Variants in OR7E24 observed in about 807,000 individuals in gnomAD.
OR7E24 encodes the protein olfactory receptor family 7 subfamily E member 24.
For synonymous variants in OR7E24, 130 were observed against 157.5 expected, an observed-to-expected ratio of 0.83 and a Z score of 1.31; for missense variants, 385 against 410.3, an observed-to-expected ratio of 0.94 and a Z score of 0.53.
chr19:9,231,947 CG>C, the OR7E24 span, among the ~76,000 whole-genome samples: 1 of 152,106 alleles, frequency 6.6e-6, no homozygotes, highest in Non-Finnish European at 1.5e-5. Context: ...CATCCAAAAT[CG>C]TGTTTCTTGA....
Position 9,251,734 on chromosome 19 carries a change from G to A in OR7E24, c.691G>A (p.Gly231Arg), listed in dbSNP as rs2066149322. Residue 231 changes from glycine (G) to arginine (R), a missense_variant, in exon 1 of 1, where the codon GGG becomes AGG. Transcript: ENST00000456448. ...GAIFGCLPIS[G>R]ILFSYYKIVS... is the part of the protein sequence containing the mutation. Reference sequence around the variant, plus strand: ...CATATTTGGCTGTCTCCCTATCTCAGGGATCCTTTTCTCTTACTATAAAAT... The same window carrying A: ...CATATTTGGCTGTCTCCCTATCTCAAGGATCCTTTTCTCTTACTATAAAAT... 1 of 1,612,494 alleles carries A rather than the reference G, an allele frequency of 6.2e-7. No homozygotes were observed. Among genetic ancestry groups the A allele is most frequent in the Non-Finnish European group, 8.5e-7 (1 of 1,179,244 alleles).
the OR7E24 span, among the ~76,000 whole-genome samples, chr19:9,234,061 G>A: frequency 2.0e-5 from 3 of 151,914 alleles, no homozygotes; most frequent in African/African-American, 7.3e-5. Flanking sequence ...GCACCACCAC[G>A]CCTGGCAATT....
At chr19:9,222,270 A>G in the OR7E24 span, among the ~76,000 whole-genome samples, 3 of 152,102 alleles carry the variant, frequency 2.0e-5, no homozygotes, top group Non-Finnish European at 4.4e-5. Context: ...CAGCTTTGTT[A>G]TTTTGGCTCA....
Position 9,250,945 on chromosome 19 carries a change from T to C in OR7E24, c.-99T>C, listed in dbSNP as rs2066143537. ...CTAAGGAAATTGGGTTTGTCACAACTGAGAACTATTGCTGAGGGTGTATAA... is the reference window on the plus strand; with the variant it reads ...CTAAGGAAATTGGGTTTGTCACAACCGAGAACTATTGCTGAGGGTGTATAA... On this transcript the variant is annotated 5_prime_UTR_variant, in exon 1 of 1. Coordinates refer to ENST00000456448, the MANE Select transcript of OR7E24 (RefSeq NM_001079935.2). The C allele has an allele frequency of 1.1e-6, 1 of 891,906 alleles. No individual in the cohort carries two copies. Among genetic ancestry groups the C allele is most frequent in the Non-Finnish European group, 1.7e-6 (1 of 590,506 alleles). 55.2% of individuals were successfully genotyped at this position (891,906 alleles called of 1,614,324 possible).
chr19:9,213,976 A>G, the OR7E24 span: 1 of 1,614,098 alleles, frequency 6.2e-7, no homozygotes, highest in Admixed American at 1.7e-5. Flanking sequence ...CTGTAGATGA[A>G]GGGGTTCAGC....
chr19:9,246,549 C>T (rs982215299), upstream of OR7E24, among the ~76,000 whole-genome samples: 17 of 148,682 alleles, frequency 1.1e-4, no homozygotes, highest in Non-Finnish European at 2.4e-4. Context: ...CTGCACAGAA[C>T]ACCATGTTTA....
chr19:9,236,174 A>G, the OR7E24 span: 4 of 691,924 alleles, frequency 5.8e-6, no homozygotes, highest in Middle Eastern at 2.5e-4. Context: ...CCTAAAATAT[A>G]TGTTGCAGTT....
chr19:9,237,561 C>T, the OR7E24 span, among the ~76,000 whole-genome samples: 2 of 152,148 alleles, frequency 1.3e-5, no homozygotes, highest in Non-Finnish European at 1.5e-5. Context: ...GTGATCCATC[C>T]GCCTCAGCCT....
chr19:9,221,202 G>A, the OR7E24 span, among the ~76,000 whole-genome samples: 1 of 150,996 alleles, frequency 6.6e-6, no homozygotes, highest in Admixed American at 6.6e-5. Context: ...AACCCGGGAG[G>A]GGGAGCTTGC....
chr19:9,251,113 C>T lies in OR7E24; in HGVS notation c.70C>T (p.Leu24Phe). ...TCCGAGCTACACAGAGCCACAGAAT[C>T]TCACAGGTGTCTCAGAATTCCTCCT... ...RCPSYTEPQN[L>F]TGVSEFLLLG... Residue 24 changes from leucine (L) to phenylalanine (F), a missense_variant, in exon 1 of 1, where the codon CTC (leucine) becomes TTC (phenylalanine). By Grantham distance (22) the Leu-to-Phe change is conservative. Coordinates refer to ENST00000456448, the MANE Select transcript of OR7E24 (RefSeq NM_001079935.2). The T allele has an allele frequency of 6.2e-7, 1 of 1,612,994 alleles. No homozygotes were observed. Among genetic ancestry groups the T allele is most frequent in the Non-Finnish European group, 8.5e-7 (1 of 1,179,206 alleles).
chr19:9,223,177 G>T, the OR7E24 span, among the ~76,000 whole-genome samples: 2 of 152,278 alleles, frequency 1.3e-5, no homozygotes, highest in East Asian at 3.9e-4. Context: ...AGCCCCATGT[G>T]GTCAACCTGC....
the OR7E24 span, chr19:9,208,203 A>G: frequency 2.6e-5 from 4 of 152,004 alleles, no homozygotes; most frequent in African/African-American, 9.7e-5. Context: ...CGCCTAGCTA[A>G]TTTTTGTAAT....
the OR7E24 span, among the ~76,000 whole-genome samples, chr19:9,223,706 A>G: frequency 1.7e-4 from 25 of 150,066 alleles, no homozygotes; most frequent in African/African-American, 5.9e-4. Context: ...CAATCTGTCT[A>G]TAAAGCAAAC....
upstream of OR7E24, chr19:9,247,620 C>G: frequency 2.5e-6 from 1 of 398,502 alleles, no homozygotes. Flanking sequence ...AATGTCAGCT[C>G]AGACGACTGT....
Position 9,252,051 on chromosome 19 carries a change from T to C in OR7E24, c.1008T>C (p.Cys336=). The change falls in exon 1 of 1, where the codon TGT becomes TGC. Residue 336 remains cysteine (C), a synonymous_variant. Transcript: ENST00000456448. ...IIKSHHLHPF[C]YMG ...AATCTCATCATCTCCATCCTTTTTG[T>C]TATATGGGATAGAAATGGCAGCAAA... 6.2e-7 allele frequency: 1 copy of C among 1,613,132 alleles called. No homozygotes were observed. The highest frequency in any genetic ancestry group is 8.5e-7 in the Non-Finnish European group (1 of 1,179,388).
the OR7E24 span, among the ~76,000 whole-genome samples, chr19:9,237,445 G>A: frequency 6.6e-6 from 1 of 152,022 alleles, no homozygotes; most frequent in Non-Finnish European, 1.5e-5. Context: ...TGAGTAGCTG[G>A]GACTACAGGC....
chr19:9,213,618 A>T, the OR7E24 span: 4 of 368,420 alleles, frequency 1.1e-5, no homozygotes, highest in South Asian at 1.2e-4. Flanking sequence ...CACACCTGTA[A>T]TCTCAGCTAC....
the OR7E24 span, chr19:9,213,429 A>T: frequency 5.0e-5 from 7 of 140,778 alleles, no homozygotes; most frequent in African/African-American, 2.1e-4. Context: ...TTTTTGATTA[A>T]AAAAAAAAAG....
the OR7E24 span, chr19:9,235,609 T>C: frequency 6.4e-7 from 1 of 1,570,566 alleles, no homozygotes; most frequent in Non-Finnish European, 8.8e-7. Context: ...TTTCTGGTTC[T>C]CCCTGGTTCA....
Sources: allele counts gnomAD v4.1 joint callset (sites outside exome capture counted in the v4.1 genomes callset), GRCh38; gene constraint gnomAD v4.1.1; transcripts MANE v1.5; gene names NCBI Gene and HGNC (gene_info 2026-07-23, HGNC 2026-07-21).